The following TGM3 variants were observed in gnomAD, a reference collection of about 807,000 sequenced individuals.
TGM3 encodes the protein protein-glutamine gamma-glutamyltransferase E.
In TGM3, 52 loss-of-function variants were observed where a neutral mutation model predicts 73.8. The observed-to-expected ratio is 0.70, with a 90% CI of 0.56 to 0.89. The LOEUF (loss-of-function observed/expected upper bound fraction) is 0.89. Among genes scored for constraint, TGM3 ranks in the 40% least tolerant of loss-of-function variants. TGM3 has a pLI of 0.00. For missense variants in TGM3, 928 were observed against 909.9 expected (o/e 1.02, Z -0.26); for synonymous variants, 372 against 354.9 (o/e 1.05, Z -0.54).
chr20:2,335,114 A>G lies in TGM3; in HGVS notation c.1643-2A>G, dbSNP rs2084341866. 1 of 1,614,100 alleles carries G rather than the reference A, an allele frequency of 6.2e-7. No homozygotes were observed. Among genetic ancestry groups the G allele is most frequent in the African/African-American group, 1.3e-5 (1 of 74,946 alleles). On this transcript the variant is annotated splice_acceptor_variant, in intron 10 of 12. Coordinates refer to ENST00000381458, the MANE Select transcript of TGM3 (RefSeq NM_003245.4). LOFTEE classifies it high-confidence loss of function. ...CTCGGATCCCCTGGCTTCTCCTTCCAGAGGCAGAACATCCCATAAAGATCT... is the reference window on the plus strand; with the variant it reads ...CTCGGATCCCCTGGCTTCTCCTTCCGGAGGCAGAACATCCCATAAAGATCT...
intron 1 of TGM3, among the ~76,000 whole-genome samples, chr20:2,300,895 G>T (rs1600689402): frequency 6.6e-6 from 1 of 152,070 alleles, no homozygotes; most frequent in Admixed American, 6.5e-5. Flanking sequence ...GGGGGCCCCG[G>T]TGCTAGTGAT....
chr20:2,337,268 C>T (rs1005247745), intron 11 of TGM3, among the ~76,000 whole-genome samples: 2 of 152,190 alleles, frequency 1.3e-5, no homozygotes, highest in African/African-American at 4.8e-5. Context: ...ACAGCCTCTC[C>T]TGCTTCACAA....
chr20:2,332,333 G>A lies in TGM3; in HGVS notation c.1642+23G>A. The A allele has an allele frequency of 6.5e-7, 1 of 1,548,654 alleles. No homozygotes were observed. Among genetic ancestry groups the A allele is most frequent in the South Asian group, 1.3e-5 (1 of 79,612 alleles). The stretch of plus-strand genomic sequence containing the variant: ...AAGGTAACGCATCCCGCAGTTGGAG[G>A]AGATCCACGAATCCGAGGTAGCCAA... On this transcript the variant is annotated intron_variant, in intron 10 of 12. Coordinates refer to ENST00000381458, the MANE Select transcript of TGM3 (RefSeq NM_003245.4). The surrounding 1 kb of genome is among the most constrained non-coding windows in gnomAD (Gnocchi z 4.4).
chr20:2,328,472 G>A lies in TGM3; in HGVS notation c.1333+107G>A. On this transcript the variant is annotated intron_variant, in intron 9 of 12. Coordinates refer to ENST00000381458, the MANE Select transcript of TGM3 (RefSeq NM_003245.4). The surrounding 1 kb of genome is among the most constrained non-coding windows in gnomAD (Gnocchi z 5.2). ...CTCACCTCCCCCGCACTGGCAGCCA[G>A]TTCTGCCTGAATGATAGGATTGCTC... 1 of 1,460,810 alleles carries A rather than the reference G, an allele frequency of 6.8e-7. No homozygotes were observed. The highest frequency in any genetic ancestry group is 1.3e-5 in the South Asian group (1 of 76,444). The allele number at this position is 1,460,810 out of a possible 1,614,324, so 90.5% of individuals were successfully genotyped here.
rs2084196112 is a variant in TGM3, at chr20:2,310,213, GTGTTTCC to G, written c.218_224del (p.Val73AspfsTer22). On this transcript the variant is annotated frameshift_variant, in exon 3 of 13. Coordinates refer to ENST00000381458, the MANE Select transcript of TGM3 (RefSeq NM_003245.4). LOFTEE classifies it high-confidence loss of function. ...CTCAGAGTCGGCCATGACGAAGGCTGTGTTTCCACTCTCCAATGGCAGTAGTGGTGGC... is the reference window on the plus strand; with the variant it reads ...CTCAGAGTCGGCCATGACGAAGGCTGACTCTCCAATGGCAGTAGTGGTGGC... 6.2e-7 allele frequency: 1 copy of G among 1,614,244 alleles called. No homozygotes were observed. Among genetic ancestry groups the G allele is most frequent in the Non-Finnish European group, 8.5e-7 (1 of 1,180,040 alleles).
At chr20:2,317,940 T>TC (rs34732762) in intron 7 of TGM3, among the ~76,000 whole-genome samples, 80,103 of 131,244 alleles carry the variant, frequency 0.61, 26,346 homozygotes, top group East Asian at 0.87. Context: ...TATATATATA[T>TC]ATCATATATA....
Position 2,328,037 on chromosome 20 carries a change from T to C in TGM3, c.1088-83T>C, listed in dbSNP as rs1006641398. Reference sequence around the variant, plus strand: ...GCGGGGCAGAGGCAGGGGGTTGCAGTGGTCCTGGAAGGCCCTGGGGAATCG... The same window carrying C: ...GCGGGGCAGAGGCAGGGGGTTGCAGCGGTCCTGGAAGGCCCTGGGGAATCG... On this transcript the variant is annotated intron_variant, in intron 8 of 12. Coordinates refer to ENST00000381458, the MANE Select transcript of TGM3 (RefSeq NM_003245.4). This position sits in a 1 kb window ranked among gnomAD's most constrained non-coding sequence, Gnocchi z 5.2. 8.9e-6 allele frequency: 14 copies of C among 1,581,088 alleles called. No homozygotes were observed. The African/African-American group carries it at 1.5e-4, about 17-fold the overall frequency.
At chr20:2,321,954 T>C (rs1430508668) in intron 7 of TGM3, among the ~76,000 whole-genome samples, 3 of 152,184 alleles carry the variant, frequency 2.0e-5, no homozygotes, top group African/African-American at 7.2e-5. Flanking sequence ...TCAATTTTTT[T>C]TTTTTAACCA....
chr20:2,316,926 A>G (rs2084236408), intron 5 of TGM3, 142 bp from the exon 6 acceptor site: 1 of 961,036 alleles, frequency 1.0e-6, no homozygotes. Context: ...TCCCCAAGTC[A>G]CCTAGAAAGA....
chr20:2,325,163 C>G (rs1000094939), intron 7 of TGM3, among the ~76,000 whole-genome samples: 1 of 152,040 alleles, frequency 6.6e-6, no homozygotes, highest in Admixed American at 6.5e-5. Context: ...TGAAAAGTGC[C>G]AAGACCAGTG....
intron 1 of TGM3, among the ~76,000 whole-genome samples, chr20:2,309,019 A>G (rs1441282466): frequency 6.6e-6 from 1 of 152,116 alleles, no homozygotes; most frequent in Non-Finnish European, 1.5e-5. Context: ...CTGGGATTAC[A>G]GGTGTGAACC....
In TGM3 at chr20:2,317,087, A is replaced by C; in HGVS notation, c.689A>C (p.Asn230Thr). 3.7e-6 allele frequency: 6 copies of C among 1,613,894 alleles called. No homozygotes were observed. The highest frequency in any genetic ancestry group is 5.1e-6 in the Non-Finnish European group (6 of 1,180,012). ...LSAMINSNDDNGVLAGNWSGT... is the reference protein window; with the variant it reads ...LSAMINSNDDTGVLAGNWSGT... ...GCCCAGATCAATAGCAATGATGACA[A>C]TGGTGTGCTTGCTGGGAATTGGAGC... The change falls in exon 6 of 13, where the codon AAT becomes ACT. Residue 230 changes from asparagine to threonine, a missense_variant. By Grantham distance (65) the Asn-to-Thr change is moderately conservative. Coordinates refer to ENST00000381458, the MANE Select transcript of TGM3 (RefSeq NM_003245.4).
intron 9 of TGM3, among the ~76,000 whole-genome samples, chr20:2,330,800 G>C (rs949647502): frequency 2.0e-5 from 3 of 152,086 alleles, no homozygotes; most frequent in Non-Finnish European, 2.9e-5. Flanking sequence ...GAGGTCAGGA[G>C]TTTGAGACCA....
intron 11 of TGM3, among the ~76,000 whole-genome samples, chr20:2,336,945 C>A (rs2084354113): frequency 1.3e-5 from 2 of 152,090 alleles, no homozygotes; most frequent in Admixed American, 1.3e-4. Context: ...CTCCCAAATT[C>A]ATCTCAATTA....
In TGM3 at chr20:2,327,783, A is replaced by G. The variant is rs375153156; in HGVS notation, c.1088-337A>G. Among the ~76,000 whole-genome samples, 3 of 152,190 alleles carry G rather than the reference A, an allele frequency of 2.0e-5. No individual in the cohort carries two copies. The South Asian group carries it at 6.2e-4, about 32-fold the overall frequency. On this transcript the variant is annotated intron_variant, in intron 8 of 12. Transcript: ENST00000381458. ...GGTGATGAGCTTCTAGGCCAGAATG[A>G]CTTGCAGAGGTAGAAAAGAGGCAGC... is the stretch of plus-strand genomic sequence containing the variant.
At chr20:2,309,430 T>A (rs1459539722) in intron 1 of TGM3, among the ~76,000 whole-genome samples, 1 of 152,232 alleles carries the variant, frequency 6.6e-6, no homozygotes, top group Non-Finnish European at 1.5e-5. Flanking sequence ...TGATCTTGCA[T>A]CCTGTGAGCT....
chr20:2,335,300 A>G (rs1271196716), intron 11 of TGM3, 27 bp downstream of exon 11: 4 of 1,612,548 alleles, frequency 2.5e-6, no homozygotes, highest in East Asian at 4.5e-5. Context: ...TCCTGTGGGA[A>G]GGGGTTCTGC....
At chr20:2,307,603 A>T (rs2122215537) in intron 1 of TGM3, among the ~76,000 whole-genome samples, 1 of 152,030 alleles carries the variant, frequency 6.6e-6, no homozygotes, top group East Asian at 1.9e-4. Flanking sequence ...CCTTTCCTGG[A>T]TTTATCCCAT....
intron 1 of TGM3, among the ~76,000 whole-genome samples, chr20:2,302,492 G>A (rs2084153797): frequency 6.6e-6 from 1 of 152,054 alleles, no homozygotes; most frequent in African/African-American, 2.4e-5. Flanking sequence ...GAAAGGCCTG[G>A]AACCAGGCAG....
Sources: gnomAD v4.1 joint callset for allele counts (sites outside exome capture counted in the v4.1 genomes callset) on GRCh38, gnomAD v4.1.1 for gene constraint, Gnocchi (gnomAD v3.1) non-coding constraint, MANE v1.5 for transcripts, NCBI Gene and HGNC (gene_info 2026-07-23, HGNC 2026-07-21) for gene names.